The following PRKCZ variants were observed in gnomAD, a reference collection of about 807,000 sequenced individuals.
PRKCZ encodes the protein protein kinase C zeta.
In PRKCZ, 33 loss-of-function variants were observed where a neutral mutation model predicts 79.5. The observed-to-expected ratio is 0.41, with a 90% CI of 0.31 to 0.55. PRKCZ has a LOEUF of 0.55. Ranked by LOEUF, PRKCZ falls within the 20% of genes least tolerant of loss-of-function variation. The pLI, the probability that PRKCZ is intolerant of heterozygous loss-of-function variation, is 0.19. For missense variants in PRKCZ, 578 were observed against 813.5 expected, an observed-to-expected ratio of 0.71 and a Z score of 3.52; for synonymous variants, 342 against 320.9, an observed-to-expected ratio of 1.07 and a Z score of -0.70.
chr1:2,123,696 C>T (rs148555913), intron 4 of PRKCZ, among the ~76,000 whole-genome samples: 5 of 2,358 alleles, frequency 2.1e-3, no homozygotes, highest in African/African-American at 4.6e-3. Context: ...GTTAGGGTCA[C>T]GGTGGTAGTT....
chr1:2,112,382 C>A (rs901536931), intron 4 of PRKCZ, among the ~76,000 whole-genome samples: 13 of 152,332 alleles, frequency 8.5e-5, no homozygotes, highest in African/African-American at 3.1e-4. Flanking sequence ...CTCTGACGTG[C>A]TCCATTGCAA....
intron 4 of PRKCZ, among the ~76,000 whole-genome samples, chr1:2,091,531 C>T (rs1271868001): frequency 6.6e-6 from 1 of 152,164 alleles, no homozygotes; most frequent in East Asian, 1.9e-4. Context: ...CGCTGACACT[C>T]CCGACTTTCT....
intron 4 of PRKCZ, among the ~76,000 whole-genome samples, chr1:2,084,797 G>A (rs1296134276): frequency 6.6e-6 from 1 of 152,122 alleles, no homozygotes; most frequent in Non-Finnish European, 1.5e-5. Context: ...CTGAGCTCAG[G>A]AGTTTTCAAG....
intron 4 of PRKCZ, among the ~76,000 whole-genome samples, chr1:2,101,027 A>T (rs1322315441): frequency 1.3e-5 from 2 of 151,580 alleles, no homozygotes; most frequent in Non-Finnish European, 2.9e-5. Flanking sequence ...GTTAAAAAAA[A>T]AAAAAAAAAA....
chr1:2,172,140 C>T lies in PRKCZ; in HGVS notation c.1147C>T (p.Leu383Phe). The change falls in exon 12 of 18, where the codon CTC (leucine) becomes TTC (phenylalanine). Residue 383 changes from leucine to phenylalanine, a missense_variant. By Grantham distance (22) the Leu-to-Phe change is conservative (BLOSUM62 0). Around this residue, in one of 4 missense-constraint regions of PRKCZ, gnomAD observed 243 missense variants for 467.0 expected, o/e 0.52. Coordinates refer to ENST00000378567, the MANE Select transcript of PRKCZ (RefSeq NM_002744.6). The surrounding 1 kb of genome is among the most constrained non-coding windows in gnomAD (Gnocchi z 7.8). ...IYRDLKLDNV[L>F]LDADGHIKLT... ...CAGGGACCTGAAGCTGGACAACGTC[C>T]TCCTGGATGCGGACGGGCACATCAA... 1.2e-6 allele frequency: 2 copies of T among 1,613,498 alleles called. No individual in the cohort carries two copies. The highest frequency in any genetic ancestry group is 1.7e-6 in the Non-Finnish European group (2 of 1,179,990).
At position 2,056,605 on chromosome 1, in the gene PRKCZ, G is replaced by A. The variant is rs3820005; in HGVS notation, c.283+32G>A. ...GGCGGGGTCTGTGGTGGGCAGCTCT[G>A]GGGGGCTGTTCCTGGCTGTGGGTGT... On this transcript the variant is annotated intron_variant, in intron 3 of 17. Coordinates refer to ENST00000378567, the MANE Select transcript of PRKCZ (RefSeq NM_002744.6). The A allele has an allele frequency of 6.9e-6, 11 of 1,587,262 alleles. No homozygotes were observed. In the East Asian group the frequency reaches 1.8e-4, roughly 26 times the overall value.
chr1:2,093,311 CT>C (rs1400555367), intron 4 of PRKCZ, among the ~76,000 whole-genome samples: 2 of 152,184 alleles, frequency 1.3e-5, no homozygotes, highest in East Asian at 1.9e-4. Context: ...CCCTCACCCC[CT>C]GGCCCCAGCC....
chr1:2,073,329 TC>T (rs1350709481), intron 4 of PRKCZ: 1 of 152,454 alleles, frequency 6.6e-6, no homozygotes, highest in Non-Finnish European at 1.5e-5. Context: ...CCTCCTCTCC[TC>T]CCGCTCCGTT....
intron 4 of PRKCZ, chr1:2,073,597 A>G: frequency 1.0e-6 from 1 of 986,166 alleles, no homozygotes; most frequent in Non-Finnish European, 1.2e-6. Flanking sequence ...TGATGCAGAG[A>G]TGCTTGTTTT....
chr1:2,098,973 G>A (rs1205265659), intron 4 of PRKCZ, among the ~76,000 whole-genome samples: 2 of 152,164 alleles, frequency 1.3e-5, no homozygotes, highest in Non-Finnish European at 2.9e-5. Context: ...GAGCCACCGC[G>A]CCGGGCCCAA....
Position 2,075,492 on chromosome 1 carries a change from C to G in PRKCZ, c.334+15901C>G, listed in dbSNP as rs1417469697. On this transcript the variant is annotated intron_variant, in intron 4 of 17. Coordinates refer to ENST00000378567, the MANE Select transcript of PRKCZ (RefSeq NM_002744.6). The surrounding 1 kb of genome is among the most constrained non-coding windows in gnomAD (Gnocchi z 4.8). ...TGTGGTACCTGTGTCTGTGTCTCGG[C>G]CAGATCGGCACACATCTTCCGCGTT... 6.6e-6 allele frequency: 1 copy of G among 152,236 alleles called. No homozygotes were observed. Among genetic ancestry groups the G allele is most frequent in the African/African-American group, 2.4e-5 (1 of 41,426 alleles). 9.4% of individuals were successfully genotyped at this position (152,236 alleles called of 1,614,324 possible). A position where few individuals can be genotyped will look rare whatever the true frequency, so the allele number is the denominator to read the frequency against.
chr1:2,057,588 G>A (rs753587488), intron 3 of PRKCZ, among the ~76,000 whole-genome samples: 6 of 152,120 alleles, frequency 3.9e-5, no homozygotes, highest in African/African-American at 1.4e-4. Context: ...AGACTAGGCC[G>A]GGTGCGGTGG....
In PRKCZ at chr1:2,128,808, C is replaced by T. The variant is rs1674424463; in HGVS notation, c.335-6454C>T. Among the ~76,000 whole-genome samples the T allele has an allele frequency of 6.6e-6, 1 of 152,184 alleles. No homozygotes were observed. Among genetic ancestry groups the T allele is most frequent in the South Asian group, 2.1e-4 (1 of 4,824 alleles). ...TCCACACGTACCCCCGGAAGGACCT[C>T]CTGCTAACCTGGGCTTGACTTTGAG... is the stretch of plus-strand genomic sequence containing the variant. On this transcript the variant is annotated intron_variant, in intron 4 of 17. Coordinates refer to ENST00000378567, the MANE Select transcript of PRKCZ (RefSeq NM_002744.6). This position sits in a 1 kb window ranked among gnomAD's most constrained non-coding sequence, Gnocchi z 6.5.
At chr1:2,130,193 G>A (rs931578710) in intron 4 of PRKCZ, among the ~76,000 whole-genome samples, 3 of 152,186 alleles carry the variant, frequency 2.0e-5, no homozygotes, top group African/African-American at 7.2e-5. Flanking sequence ...AGCATGAGCC[G>A]CCACGCCTGG....
intron 4 of PRKCZ, among the ~76,000 whole-genome samples, chr1:2,080,006 C>T (rs1663187428): frequency 6.6e-6 from 1 of 152,186 alleles, no homozygotes; most frequent in African/African-American, 2.4e-5. Context: ...CTGACTGGGA[C>T]CCTGCACAGC....
At chr1:2,052,402 ACTCTCTCCC>A (rs1332437060) in intron 1 of PRKCZ, among the ~76,000 whole-genome samples, 1 of 111,818 alleles carries the variant, frequency 8.9e-6, no homozygotes, top group Non-Finnish European at 1.8e-5. Flanking sequence ...CCCTTCCCGG[ACTCTCTCCC>A]CTCTCTCCCC....
chr1:2,097,032 T>C (rs1180738658), intron 4 of PRKCZ, among the ~76,000 whole-genome samples: 1 of 152,264 alleles, frequency 6.6e-6, no homozygotes, highest in Non-Finnish European at 1.5e-5. Flanking sequence ...CCCTTTGTTC[T>C]GGACGGAGCT....
chr1:2,111,365 C>T (rs958263909), intron 4 of PRKCZ, among the ~76,000 whole-genome samples: 6 of 151,692 alleles, frequency 4.0e-5, no homozygotes, highest in African/African-American at 7.3e-5. Context: ...GGGGGTGCAA[C>T]ATGGAGGCCT....
At position 2,165,891 on chromosome 1, in the gene PRKCZ, G is replaced by A. The variant is rs1222725499; in HGVS notation, c.975-3627G>A. ...GCCCACCTCCTAGGAGGTTTTGTGA[G>A]CTTCCCTCAGCCCCCGGCCGCCCCC... is the stretch of plus-strand genomic sequence containing the variant. On this transcript the variant is annotated intron_variant, in intron 10 of 17. Transcript: ENST00000378567. The surrounding 1 kb of genome is among the most constrained non-coding windows in gnomAD (Gnocchi z 4.1). 2.6e-5 allele frequency among the ~76,000 whole-genome samples: 4 copies of A among 152,266 alleles called. No individual in the cohort carries two copies. The East Asian group carries it at 7.7e-4, about 29-fold the overall frequency.
Sources: allele counts gnomAD v4.1 joint callset (sites outside exome capture counted in the v4.1 genomes callset), GRCh38; gene constraint gnomAD v4.1.1; regional missense constraint gnomAD v4.1.1; non-coding constraint Gnocchi (gnomAD v3.1); transcripts MANE v1.5; gene names NCBI Gene and HGNC (gene_info 2026-07-23, HGNC 2026-07-21).